TIMP2: variants seen among roughly 807,000 people sequenced by gnomAD.
TIMP2 encodes the protein TIMP metallopeptidase inhibitor 2.
TIMP2 carries 5 observed loss-of-function variants against 24.3 expected under a neutral mutation model. The observed-to-expected ratio is 0.21, with a 90% confidence interval of 0.11 to 0.43. The LOEUF is 0.43. Among genes scored for constraint, TIMP2 ranks in the 20% least tolerant of loss-of-function variants. The probability of loss-of-function intolerance (pLI) is 1.00; values close to 1 mark genes in which losing one functional copy is unlikely to be tolerated. For synonymous variants in TIMP2, 130 were observed against 123.2 expected, an observed-to-expected ratio of 1.06 and a Z score of -0.37; for missense variants, 221 against 297.5, an observed-to-expected ratio of 0.74 and a Z score of 1.89.
At chr17:78,875,925 CCTTTCTT>C (rs1426825973) in intron 1 of TIMP2, among the ~76,000 whole-genome samples, 1 of 152,192 alleles carries the variant, frequency 6.6e-6, no homozygotes, top group East Asian at 1.9e-4. Context: ...GGCACAAACC[CCTTTCTT>C]CTTTCTTCTT....
In TIMP2 at chr17:78,883,206, C is replaced by A. The variant is rs142192646; in HGVS notation, c.131-9287G>T. Among the ~76,000 whole-genome samples, 516 of 152,306 alleles carry A rather than the reference C, an allele frequency of 3.4e-3. 3 individuals are homozygous for A. The highest frequency in any genetic ancestry group is 0.011 in the African/African-American group (478 of 41,566). ...AGGAAAGACCTCAGCAGAGGGGGCACCATAGGAGCACACTGGACATCCGTC... is the reference window on the plus strand; with the variant it reads ...AGGAAAGACCTCAGCAGAGGGGGCAACATAGGAGCACACTGGACATCCGTC... On this transcript the variant is annotated intron_variant, in intron 1 of 4. Coordinates refer to ENST00000262768, the MANE Select transcript of TIMP2 (RefSeq NM_003255.5).
chr17:78,859,746 C>T (rs2069553561), intron 3 of TIMP2, among the ~76,000 whole-genome samples: 1 of 152,086 alleles, frequency 6.6e-6, no homozygotes, highest in Non-Finnish European at 1.5e-5. Flanking sequence ...AATCCCAGTA[C>T]TTTGGGAGGC....
At position 78,920,607 on chromosome 17, in the gene TIMP2, A is replaced by G. The variant is rs765163008; in HGVS notation, c.130+4352T>C. On this transcript the variant is annotated intron_variant, in intron 1 of 4. Transcript: ENST00000262768. The surrounding 1 kb of genome is among the most constrained non-coding windows in gnomAD (Gnocchi z 4.5). ...GTTCAAAACCAAGCCGAAGAGCCTCAGTTCTCCCCACAGCTCCCTCCTCAA... is the reference window on the plus strand; with the variant it reads ...GTTCAAAACCAAGCCGAAGAGCCTCGGTTCTCCCCACAGCTCCCTCCTCAA... Among the ~76,000 whole-genome samples the G allele has an allele frequency of 6.6e-6, 1 of 152,168 alleles. No individual in the cohort carries two copies. The highest frequency in any genetic ancestry group is 2.4e-5 in the African/African-American group (1 of 41,442).
At chr17:78,918,606 C>T (rs78155063) in intron 1 of TIMP2, among the ~76,000 whole-genome samples, 1,611 of 152,306 alleles carry the variant, frequency 0.011, 23 homozygotes, top group African/African-American at 0.037. Flanking sequence ...CTCCACCCCC[C>T]GACACTGAGG....
At chr17:78,905,383 G>A (rs12600817) in intron 1 of TIMP2, among the ~76,000 whole-genome samples, 84,814 of 152,072 alleles carry the variant, frequency 0.56, 24,380 homozygotes, top group African/African-American at 0.71. Flanking sequence ...CCCATCTTAC[G>A]CAGCTGGATG....
chr17:78,855,633 T>C lies in TIMP2; in HGVS notation c.*34A>G. ...CCAGTCGAAACCCTTGGAGGCTTTT[T>C]TTGCAGTTGGCCACAGGGGCGTTGG... On this transcript the variant is annotated 3_prime_UTR_variant, in exon 5 of 5. Transcript: ENST00000262768. The surrounding 1 kb of genome is among the most constrained non-coding windows in gnomAD (Gnocchi z 6.0). 1 of 1,609,396 alleles carries C rather than the reference T, an allele frequency of 6.2e-7. No individual in the cohort carries two copies. The highest frequency in any genetic ancestry group is 1.3e-5 in the African/African-American group (1 of 74,918).
rs564255879 is a variant in TIMP2, at chr17:78,870,600, T to A, written c.340+298A>T. 4.0e-5 allele frequency among the ~76,000 whole-genome samples: 6 copies of A among 151,878 alleles called. No homozygotes were observed. The South Asian group carries it at 1.3e-3, about 32-fold the overall frequency. The stretch of plus-strand genomic sequence containing the variant: ...TTGGCCCTCCCGACGGCAGAAAGGG[T>A]TTCTCTGCCCTGCATGTCTCCAGCA... On this transcript the variant is annotated intron_variant, in intron 3 of 4. Transcript: ENST00000262768.
chr17:78,901,482 G>C (rs190392264), intron 1 of TIMP2, among the ~76,000 whole-genome samples: 1 of 152,110 alleles, frequency 6.6e-6, no homozygotes, highest in African/African-American at 2.4e-5. Flanking sequence ...CCGCAGGCTT[G>C]GAGTCCAGGA....
At chr17:78,914,260 C>CATTCATTTATTT (rs746218920) in intron 1 of TIMP2, among the ~76,000 whole-genome samples, 2 of 97,100 alleles carry the variant, frequency 2.1e-5, no homozygotes, top group African/African-American at 5.4e-5. Flanking sequence ...TTTGGCTATT[C>CATTCATTTATTT]ATTTATTTAT....
At chr17:78,873,733 G>T (rs2069705148) in intron 2 of TIMP2, 86 bp downstream of exon 2, 2 of 1,102,946 alleles carry the variant, frequency 1.8e-6, no homozygotes, top group Non-Finnish European at 1.3e-6. Flanking sequence ...GCCAGATCGT[G>T]TTCCAGGGAC....
At chr17:78,907,766 A>G (rs1472314569) in intron 1 of TIMP2, among the ~76,000 whole-genome samples, 1 of 152,272 alleles carries the variant, frequency 6.6e-6, no homozygotes, top group South Asian at 2.1e-4. Flanking sequence ...AGGTGCACCC[A>G]TGGAATTCAT....
chr17:78,911,677 C>T (rs960453704), intron 1 of TIMP2, among the ~76,000 whole-genome samples: 7 of 151,966 alleles, frequency 4.6e-5, no homozygotes, highest in Admixed American at 1.3e-4. Flanking sequence ...GTGATCCGCC[C>T]ACCTTGGCCT....
chr17:78,891,522 G>A lies in TIMP2; in HGVS notation c.131-17603C>T, dbSNP rs1256816635. Reference sequence around the variant, plus strand: ...TTGTTCTTCTCCCGGAGCGTGCACTGAGATGCTGGGGACACGGCTTCCCTT... The same window carrying A: ...TTGTTCTTCTCCCGGAGCGTGCACTAAGATGCTGGGGACACGGCTTCCCTT... On this transcript the variant is annotated intron_variant, in intron 1 of 4. Transcript: ENST00000262768. This position sits in a 1 kb window ranked among gnomAD's most constrained non-coding sequence, Gnocchi z 4.5. 4 of 1,551,122 alleles carry A rather than the reference G, an allele frequency of 2.6e-6. No homozygotes were observed. The East Asian group carries it at 9.8e-5, about 38-fold the overall frequency.
At chr17:78,893,373 G>A (rs1165020747) in intron 1 of TIMP2, among the ~76,000 whole-genome samples, 6 of 146,454 alleles carry the variant, frequency 4.1e-5, no homozygotes, top group East Asian at 2.0e-4. Context: ...GGGTGTGTAG[G>A]AGTGTGTGTG....
chr17:78,917,251 C>CAAAAAAAAAAAAAA (rs10592875), intron 1 of TIMP2, among the ~76,000 whole-genome samples: 2 of 77,432 alleles, frequency 2.6e-5, no homozygotes, highest in Middle Eastern at 0.011. Flanking sequence ...GACTCCGTCT[C>CAAAAAAAAAAAAAA]AAAAAAAAAA....
At chr17:78,856,100 C>G (rs1226993871) in intron 4 of TIMP2, 9 of 568,612 alleles carry the variant, frequency 1.6e-5, no homozygotes, top group Non-Finnish European at 1.9e-5. Context: ...TGCAGGTGTG[C>G]TTCCCTTTGG....
intron 1 of TIMP2, chr17:78,892,529 A>C (rs2069918138): frequency 6.8e-7 from 1 of 1,476,776 alleles, no homozygotes; most frequent in South Asian, 1.4e-5. Flanking sequence ...CCCTGGAGAC[A>C]AGCACACGGG....
In TIMP2 at chr17:78,911,083, G is replaced by A. The variant is rs189320058; in HGVS notation, c.130+13876C>T. On this transcript the variant is annotated intron_variant, in intron 1 of 4. Coordinates refer to ENST00000262768, the MANE Select transcript of TIMP2 (RefSeq NM_003255.5). The stretch of plus-strand genomic sequence containing the variant: ...TTCCATTCCCACCCACCGCATATAC[G>A]AGTTCCCTTTTCTCCCCTTCCTTGC... Among the ~76,000 whole-genome samples the A allele has an allele frequency of 4.0e-4, 61 of 152,116 alleles. 1 individual carries two copies. In the East Asian group the frequency reaches 0.011, roughly 27 times the overall value.
chr17:78,891,083 G>A lies in TIMP2; in HGVS notation c.131-17164C>T. On this transcript the variant is annotated intron_variant, in intron 1 of 4. Coordinates refer to ENST00000262768, the MANE Select transcript of TIMP2 (RefSeq NM_003255.5). The surrounding 1 kb of genome is among the most constrained non-coding windows in gnomAD (Gnocchi z 4.5). ...CTCTGCCAGCGTGCCCAGTTTGGGGGTCTCTTGTCCAGATTCAGTGCTATA... is the reference window on the plus strand; with the variant it reads ...CTCTGCCAGCGTGCCCAGTTTGGGGATCTCTTGTCCAGATTCAGTGCTATA... 1.3e-6 allele frequency: 2 copies of A among 1,550,930 alleles called. No individual in the cohort carries two copies. The highest frequency in any genetic ancestry group is 1.7e-6 in the Non-Finnish European group (2 of 1,147,064).
Sources: allele counts gnomAD v4.1 joint callset (sites outside exome capture counted in the v4.1 genomes callset), GRCh38; gene constraint gnomAD v4.1.1; non-coding constraint Gnocchi (gnomAD v3.1); transcripts MANE v1.5; gene names NCBI Gene and HGNC (gene_info 2026-07-23, HGNC 2026-07-21).